Variants in TTC5 observed in about 807,000 individuals in gnomAD.
TTC5 encodes tetratricopeptide repeat protein 5.
Under a neutral mutation model 57.4 loss-of-function variants are expected in TTC5, and 46 were observed. That is an observed-to-expected ratio of 0.80 (90% CI 0.63 to 1.03). The LOEUF (loss-of-function observed/expected upper bound fraction) is 1.03. Among genes scored for constraint, TTC5 ranks in the 50% least tolerant of loss-of-function variants. TTC5 has a pLI of 0.00. For synonymous variants in TTC5, 190 were observed against 203.5 expected (o/e 0.93, Z 0.57); for missense variants, 504 against 528.1 (o/e 0.95, Z 0.45).
intron 1 of TTC5, chr14:20,305,616 A>G (rs1882274580): frequency 3.7e-6 from 2 of 540,176 alleles, no homozygotes; most frequent in Admixed American, 3.4e-5. Context: ...CGAGAAAACA[A>G]CGTCCTCTCT....
intron 1 of TTC5, 89 bp downstream of exon 1, chr14:20,305,798 C>T: frequency 7.6e-7 from 1 of 1,311,882 alleles, no homozygotes; most frequent in Non-Finnish European, 1.1e-6. Context: ...CGCGTGTGTG[C>T]CGAGGAATTC....
intron 2 of TTC5, 89 bp from the exon 3 acceptor site, chr14:20,300,907 A>G (rs1390976947): frequency 4.9e-6 from 5 of 1,020,970 alleles, no homozygotes; most frequent in Admixed American, 4.8e-5. Context: ...CGTCAGTTTT[A>G]GGAATAAAAA....
At chr14:20,300,155 ATTTTT>A (rs765208751) in intron 3 of TTC5, among the ~76,000 whole-genome samples, 3 of 89,344 alleles carry the variant, frequency 3.4e-5, no homozygotes, top group South Asian at 4.3e-4. Flanking sequence ...ATATATATAT[ATTTTT>A]TTTTTTTTTT....
chr14:20,305,582 A>T, intron 1 of TTC5: 1 of 486,630 alleles, frequency 2.1e-6, no homozygotes, highest in Non-Finnish European at 3.7e-6. Context: ...ACACACATGT[A>T]TATGCTATTC....
chr14:20,297,295 G>A (rs1221074876), intron 5 of TTC5, among the ~76,000 whole-genome samples: 1 of 152,146 alleles, frequency 6.6e-6, no homozygotes, highest in African/African-American at 2.4e-5. Context: ...GACACCACAA[G>A]ACAGTGCAGA....
In TTC5 at chr14:20,287,445, TAAC is replaced by T. The variant is rs1447216990; in HGVS notation, c.*2179_*2181del. ...AAAAACTGGAAACCCAAATATCCTT[TAAC>T]AACAGGATGAATAAATTATGGTATA... is the stretch of plus-strand genomic sequence containing the variant. On this transcript the variant is annotated 3_prime_UTR_variant, in exon 10 of 10. Transcript: ENST00000258821. 6.6e-6 allele frequency: 1 copy of T among 152,204 alleles called. No homozygotes were observed. 9.4% of individuals were successfully genotyped at this position (152,204 alleles called of 1,614,324 possible). A position where few individuals can be genotyped will look rare whatever the true frequency, so the allele number is the denominator to read the frequency against.
intron 4 of TTC5, 70 bp from the exon 5 acceptor site, chr14:20,298,958 T>C (rs1882124249): frequency 1.6e-6 from 2 of 1,242,574 alleles, no homozygotes; most frequent in Admixed American, 3.7e-5. Context: ...TTGATCATTC[T>C]TGAAAGTATA....
chr14:20,295,741 G>C lies in TTC5; in HGVS notation c.810C>G (p.Phe270Leu), dbSNP rs746087339. The C allele has an allele frequency of 3.7e-6, 6 of 1,613,856 alleles. No individual in the cohort carries two copies. The East Asian group carries it at 1.3e-4, about 36-fold the overall frequency. The change falls in exon 7 of 10, where the codon TTC (phenylalanine) becomes TTG (leucine). Residue 270 changes from phenylalanine to leucine, a missense_variant. Coordinates refer to ENST00000258821, the MANE Select transcript of TTC5 (RefSeq NM_138376.3). ...CAAGGAGGCTGGTTAATCTATCCAG[G>C]AATTCCAGAAGTTGTTGCTCTCGTT... ...PRQREQQLLE[F>L]LDRLTSLLES...
intron 5 of TTC5, among the ~76,000 whole-genome samples, 200 bp downstream of exon 5, chr14:20,298,597 C>T (rs536259451): frequency 1.1e-4 from 16 of 140,028 alleles, no homozygotes; most frequent in African/African-American, 3.4e-4. Context: ...CAATGCGACA[C>T]GATGCAAGTG....
chr14:20,300,799 T>C lies in TTC5; in HGVS notation c.204A>G (p.Ala68=). 2.5e-6 allele frequency: 4 copies of C among 1,613,910 alleles called. No individual in the cohort carries two copies. The highest frequency in any genetic ancestry group is 3.4e-6 in the Non-Finnish European group (4 of 1,179,960). ...EEVVGSVQGK[A]QVLMLTGKAL... ...CTTTCCCAGTTAGCATTAGAACTTG[T>C]GCCTTGCCCTGGACAGAACCTAAGA... Residue 68 remains alanine (A), a synonymous_variant, in exon 3 of 10, where the codon GCA becomes GCG. Coordinates refer to ENST00000258821, the MANE Select transcript of TTC5 (RefSeq NM_138376.3).
In TTC5 at chr14:20,295,371, G is replaced by A. The variant is rs768774724; in HGVS notation, c.999C>T (p.Ser333=). 16 of 1,614,040 alleles carry A rather than the reference G, an allele frequency of 9.9e-6. No homozygotes were observed. Among genetic ancestry groups the A allele is most frequent in the Middle Eastern group, 3.3e-4 (2 of 6,084 alleles). The change falls in exon 8 of 10, where the codon AGC becomes AGT. Residue 333 remains serine, a synonymous_variant. Coordinates refer to ENST00000258821, the MANE Select transcript of TTC5 (RefSeq NM_138376.3). ...PLSTLQPGVN[S]GAVILGKVVF... is the part of the protein sequence containing the mutation. ...CCACCTTTCCCAGGATGACGGCACC[G>A]CTGTTCACCCCAGGCTGAAGCGTAC...
intron 7 of TTC5, 43 bp downstream of exon 7, chr14:20,295,665 T>TAAA (rs746536231): frequency 1.9e-5 from 25 of 1,333,642 alleles, no homozygotes; most frequent in South Asian, 7.1e-5. Context: ...CACGACAAAA[T>TAAA]AAAAAAAAAA....
chr14:20,296,293 C>T (rs2138810956), intron 6 of TTC5, 97 bp downstream of exon 6: 1 of 997,672 alleles, frequency 1.0e-6, no homozygotes, highest in Admixed American at 1.8e-5. Context: ...AGTCTGTACC[C>T]AATCTTGTCC....
chr14:20,302,749 G>A (rs568331360), intron 1 of TTC5, among the ~76,000 whole-genome samples: 93 of 152,188 alleles, frequency 6.1e-4, no homozygotes, highest in African/African-American at 2.1e-3. Flanking sequence ...CTTTTGAAAC[G>A]CTGACACCAC....
In TTC5 at chr14:20,290,238, G is replaced by T. The variant is rs373665437; in HGVS notation, c.1204-492C>A. On this transcript the variant is annotated intron_variant, in intron 9 of 9. Coordinates refer to ENST00000258821, the MANE Select transcript of TTC5 (RefSeq NM_138376.3). ...AGAGGAGGAAATAGAACATGAAACA[G>T]AATGTAGCCGTTTTCCTAATAACAA... Among the ~76,000 whole-genome samples, 5 of 152,330 alleles carry T rather than the reference G, an allele frequency of 3.3e-5. No individual in the cohort carries two copies. The East Asian group carries it at 7.7e-4, about 23-fold the overall frequency.
In TTC5 at chr14:20,287,349, A is replaced by C. The variant is rs1001154996; in HGVS notation, c.*2278T>G. 6.6e-6 allele frequency: 1 copy of C among 152,250 alleles called. No individual in the cohort carries two copies. The highest frequency in any genetic ancestry group is 2.4e-5 in the African/African-American group (1 of 41,466). The allele number at this position is 152,250 out of a possible 1,614,324, so 9.4% of individuals were successfully genotyped here. On this transcript the variant is annotated 3_prime_UTR_variant, in exon 10 of 10. Transcript: ENST00000258821. ...TCTTCAAGAGCCATTGCTGTAAAAG[A>C]AACTTTTGCACTTACATATCAGGAC...
At chr14:20,302,700 T>C (rs546282427) in intron 1 of TTC5, among the ~76,000 whole-genome samples, 2 of 152,266 alleles carry the variant, frequency 1.3e-5, no homozygotes, top group African/African-American at 4.8e-5. Flanking sequence ...AGGTCAAGCA[T>C]CCCTAATGCA....
In TTC5 at chr14:20,300,403, C is replaced by T. The variant is rs147791538; in HGVS notation, c.396+204G>A. The T allele has an allele frequency of 2.5e-4, 140 of 563,066 alleles. No individual in the cohort carries two copies. The East Asian group carries it at 3.9e-3, about 16-fold the overall frequency. The allele number at this position is 563,066 out of a possible 1,614,324, so 34.9% of individuals were successfully genotyped here. ...TCTTCACTTCCTTTCTCCCCCTGAA[C>T]CTGATCCCATCATCATCTTCCTTTC... On this transcript the variant is annotated intron_variant, in intron 3 of 9. Coordinates refer to ENST00000258821, the MANE Select transcript of TTC5 (RefSeq NM_138376.3).
rs1882139718 is a variant in TTC5, at chr14:20,299,571, TGA to T, written c.397-125_397-124del. 12 of 1,105,718 alleles carry T rather than the reference TGA, an allele frequency of 1.1e-5. No individual in the cohort carries two copies. In the East Asian group the frequency reaches 3.0e-4, roughly 28 times the overall value. 68.5% of individuals were successfully genotyped at this position (1,105,718 alleles called of 1,614,324 possible). A position where few individuals can be genotyped will look rare whatever the true frequency, so the allele number is the denominator to read the frequency against. On this transcript the variant is annotated intron_variant, in intron 3 of 9. Transcript: ENST00000258821. ...TCTAAGTTTTTTGTTTTGTTTTGTT[TGA>T]GGTGGAGTCTTGCTCTGTCACCCAG...
Sources: allele counts gnomAD v4.1 joint callset (sites outside exome capture counted in the v4.1 genomes callset), GRCh38; gene constraint gnomAD v4.1.1; transcripts MANE v1.5; gene names NCBI Gene and HGNC (gene_info 2026-07-23, HGNC 2026-07-21).